Variants in TTC17 observed in about 807,000 individuals in gnomAD.
TTC17 encodes the protein tetratricopeptide repeat protein 17.
A neutral mutation model predicts 143.8 loss-of-function variants in TTC17; 58 were observed. That is an observed-to-expected ratio of 0.40 (90% CI 0.33 to 0.50). TTC17 has a LOEUF of 0.50. Ranked by LOEUF, TTC17 falls within the 20% of genes least tolerant of loss-of-function variation. TTC17 has a pLI of 0.49. For synonymous variants in TTC17, 501 were observed against 497.8 expected (o/e 1.01, Z -0.09); for missense variants, 1,273 against 1,392.5 (o/e 0.91, Z 1.37).
intron 10 of TTC17, among the ~76,000 whole-genome samples, chr11:43,401,844 G>A (rs1042717037): frequency 6.6e-6 from 1 of 151,912 alleles, no homozygotes; most frequent in African/African-American, 2.4e-5. Context: ...CAGGTATGGT[G>A]GCATGCACCT....
At chr11:43,375,450 A>G (rs1460321118) in intron 1 of TTC17, among the ~76,000 whole-genome samples, 2 of 152,192 alleles carry the variant, frequency 1.3e-5, no homozygotes, top group Non-Finnish European at 2.9e-5. Context: ...GTTTTCCTTC[A>G]TATTGTCTTA....
Position 43,414,633 on chromosome 11 carries a change from A to G in TTC17, c.2108A>G (p.Lys703Arg), listed in dbSNP as rs982487618. 5.0e-6 allele frequency: 8 copies of G among 1,613,278 alleles called. No homozygotes were observed. In the African/African-American group the frequency reaches 9.4e-5, roughly 19 times the overall value. The change falls in exon 16 of 24, where the codon AAG becomes AGG. Residue 703 changes from lysine to arginine, a missense_variant. Around this residue, in one of 3 missense-constraint regions of TTC17, gnomAD observed 878 missense variants for 899.8 expected, o/e 0.98. Transcript: ENST00000039989. ...CTGGGAAATGCTTACCTTGCTCTGAAGAATATCAGTGGGGCACTTGAGGCC... is the reference window on the plus strand; with the variant it reads ...CTGGGAAATGCTTACCTTGCTCTGAGGAATATCAGTGGGGCACTTGAGGCC... ...LSLGNAYLALKNISGALEAFR... is the reference protein window; with the variant it reads ...LSLGNAYLALRNISGALEAFR...
Position 43,401,496 on chromosome 11 carries a change from C to A in TTC17, c.1270C>A (p.Gln424Lys). 4 of 1,613,612 alleles carry A rather than the reference C, an allele frequency of 2.5e-6. No individual in the cohort carries two copies. The highest frequency in any genetic ancestry group is 2.2e-5 in the East Asian group (1 of 44,856). The change falls in exon 10 of 24, where the codon CAG becomes AAG. Residue 424 changes from glutamine (Q) to lysine (K), a missense_variant. Transcript: ENST00000039989. ...CAACCAGCAGCATAGTTTACATTGC[C>A]AGTGGGACCAGCCTGTACGCTATCA... ...LVNQQHSLHCQWDQPVRYHRG... is the reference protein window; with the variant it reads ...LVNQQHSLHCKWDQPVRYHRG...
chr11:43,388,810 T>C (rs1857266948), intron 2 of TTC17, among the ~76,000 whole-genome samples: 1 of 148,672 alleles, frequency 6.7e-6, no homozygotes, highest in African/African-American at 2.5e-5. Context: ...CCCATCTGTA[T>C]GGAAAAAAAA....
intron 16 of TTC17, among the ~76,000 whole-genome samples, chr11:43,426,417 T>C (rs1947028864): frequency 6.6e-6 from 1 of 152,252 alleles, no homozygotes; most frequent in South Asian, 2.1e-4. Flanking sequence ...CCCTTGATCA[T>C]GCATTGGCCA....
chr11:43,373,141 CTG>C lies in TTC17; in HGVS notation c.160-6088_160-6087del, dbSNP rs544960127. ...TCTCCTTCATATTGTCTATATGGTACTGTGTTTGTTTTTACAGTAAAATATAT... is the reference window on the plus strand; with the variant it reads ...TCTCCTTCATATTGTCTATATGGTACTGTTTGTTTTTACAGTAAAATATAT... On this transcript the variant is annotated intron_variant, in intron 1 of 23. Transcript: ENST00000039989. 2.9e-3 allele frequency among the ~76,000 whole-genome samples: 440 copies of C among 151,882 alleles called. 2 individuals are homozygous for C. The highest frequency in any genetic ancestry group is 9.8e-3 in the African/African-American group (404 of 41,380).
intron 16 of TTC17, among the ~76,000 whole-genome samples, chr11:43,432,254 T>A (rs557908806): frequency 6.6e-6 from 1 of 152,366 alleles, no homozygotes; most frequent in African/African-American, 2.4e-5. Flanking sequence ...AATATGTAGT[T>A]GTTTTTGCAA....
intron 22 of TTC17, 159 bp from the exon 23 acceptor site, chr11:43,491,861 C>T (rs1948479509): frequency 2.5e-6 from 2 of 805,302 alleles, no homozygotes; most frequent in Non-Finnish European, 3.9e-6. Flanking sequence ...AGCACCTTAT[C>T]TATCACAGAC....
intron 16 of TTC17, among the ~76,000 whole-genome samples, chr11:43,432,533 G>A (rs940271201): frequency 6.6e-6 from 1 of 152,150 alleles, no homozygotes; most frequent in Non-Finnish European, 1.5e-5. Flanking sequence ...CTGGGACCTC[G>A]TTACCTAAAG....
intron 21 of TTC17, among the ~76,000 whole-genome samples, chr11:43,487,513 A>G (rs1221919040): frequency 6.6e-6 from 1 of 152,208 alleles, no homozygotes; most frequent in Non-Finnish European, 1.5e-5. Context: ...AACAAGGAGA[A>G]ACAAGTTGGG....
At chr11:43,368,533 A>G (rs1856440787) in intron 1 of TTC17, among the ~76,000 whole-genome samples, 1 of 152,168 alleles carries the variant, frequency 6.6e-6, no homozygotes, top group Admixed American at 6.5e-5. Flanking sequence ...TCCTGAATCC[A>G]GCCATGTCTT....
chr11:43,458,972 AGT>A (rs1416859817), intron 21 of TTC17, among the ~76,000 whole-genome samples: 1 of 143,310 alleles, frequency 7.0e-6, no homozygotes, highest in Non-Finnish European at 1.6e-5. Context: ...AGGTTCGAAT[AGT>A]TTGTATAAGG....
intron 21 of TTC17, among the ~76,000 whole-genome samples, chr11:43,477,700 A>G (rs1205157633): frequency 6.6e-6 from 1 of 152,208 alleles, no homozygotes. Context: ...AATTCTGGGA[A>G]ATACAATTCG....
intron 13 of TTC17, 95 bp downstream of exon 13, chr11:43,406,046 T>C (rs1049704134): frequency 3.6e-6 from 5 of 1,385,626 alleles, no homozygotes; most frequent in Non-Finnish European, 4.8e-6. Flanking sequence ...AGGTAGCTGT[T>C]GAGCTTTAAG....
At chr11:43,407,669 A>G in intron 15 of TTC17, 92 bp downstream of exon 15, 1 of 1,230,430 alleles carries the variant, frequency 8.1e-7, no homozygotes. Context: ...AAAGCATAAA[A>G]AATGTCATGT....
Position 43,401,980 on chromosome 11 carries a change from A to AAAATAAAT in TTC17, c.1332+466_1332+473dup, listed in dbSNP as rs35991566. 4.2e-3 allele frequency among the ~76,000 whole-genome samples: 592 copies of AAAATAAAT among 140,430 alleles called. 4 individuals carry two copies. The highest frequency in any genetic ancestry group is 7.0e-3 in the Admixed American group (97 of 13,792). 92.1% of individuals were successfully genotyped at this position (140,430 alleles called of 152,430 possible). A position where few individuals can be genotyped will look rare whatever the true frequency, so the allele number is the denominator to read the frequency against. On this transcript the variant is annotated intron_variant, in intron 10 of 23. Coordinates refer to ENST00000039989, the MANE Select transcript of TTC17 (RefSeq NM_018259.6). ...GCAACAGAGCAAGACTGTGTCTCAAAAAATAAATAAATAAATAAATAAATA... is the reference window on the plus strand; with the variant it reads ...GCAACAGAGCAAGACTGTGTCTCAAAAAATAAATAAATAAATAAATAAATAAATAAATA...
At chr11:43,447,917 C>T in intron 18 of TTC17, 85 bp from the exon 19 acceptor site, 17 of 1,523,662 alleles carry the variant, frequency 1.1e-5, no homozygotes, top group Non-Finnish European at 1.5e-5. Context: ...TACACCAATC[C>T]AGGTGAAGTA....
chr11:43,457,536 G>C (rs550665421), intron 21 of TTC17, among the ~76,000 whole-genome samples: 57 of 152,114 alleles, frequency 3.7e-4, no homozygotes, highest in African/African-American at 1.3e-3. Context: ...CAGTGGACAA[G>C]GACTTTAAGA....
At chr11:43,433,076 C>G (rs1279809107) in intron 16 of TTC17, among the ~76,000 whole-genome samples, 1 of 152,132 alleles carries the variant, frequency 6.6e-6, no homozygotes, top group African/African-American at 2.4e-5. Context: ...TCTCGGCTCG[C>G]TGCAACCTCT....
Sources: allele counts gnomAD v4.1 joint callset (sites outside exome capture counted in the v4.1 genomes callset), GRCh38; gene constraint gnomAD v4.1.1; regional missense constraint gnomAD v4.1.1; transcripts MANE v1.5; gene names NCBI Gene and HGNC (gene_info 2026-07-23, HGNC 2026-07-21).